The following MEAK7 variants were observed in gnomAD, a reference collection of about 807,000 sequenced individuals.
The protein encoded by MEAK7 is MTOR associated protein MEAK7.
In MEAK7, 68 loss-of-function variants were observed where a neutral mutation model predicts 40.5. The ratio of observed to expected loss-of-function variants is 1.68; its 90% CI spans 1.38 to 2.06. The LOEUF (loss-of-function observed/expected upper bound fraction) is 2.06, where lower values mean the gene tolerates loss of function less well. MEAK7 is among the 30% of genes most tolerant of loss of function. The pLI, the probability that MEAK7 is intolerant of heterozygous loss-of-function variation, is 0.00. For missense variants in MEAK7, 918 were observed against 580.5 expected (o/e 1.58, Z -5.98); for synonymous variants, 338 against 231.9 (o/e 1.46, Z -4.16).
At chr16:84,499,457 G>A (rs895796133) in intron 1 of MEAK7, among the ~76,000 whole-genome samples, 17 of 152,156 alleles carry the variant, frequency 1.1e-4, no homozygotes, top group Non-Finnish European at 1.5e-4. Flanking sequence ...GTCATGGTCC[G>A]CACCAAGCCA....
At chr16:84,486,292 C>A in intron 5 of MEAK7, 1 of 350,186 alleles carries the variant, frequency 2.9e-6, no homozygotes, top group Non-Finnish European at 4.4e-6. Flanking sequence ...CAGGAAGGCC[C>A]AGGGAAGGAA....
chr16:84,497,372 T>C, intron 2 of MEAK7: 1 of 1,232,936 alleles, frequency 8.1e-7, no homozygotes, highest in Non-Finnish European at 1.0e-6. Flanking sequence ...TAAAATGTGA[T>C]TATTTTGTTA....
Position 84,496,004 on chromosome 16 carries a change from A to G in MEAK7, c.154-91T>C, listed in dbSNP as rs1443712100. 5.8e-6 allele frequency: 8 copies of G among 1,391,160 alleles called. No homozygotes were observed. The Admixed American group carries it at 8.0e-5, about 14-fold the overall frequency. The allele number at this position is 1,391,160 out of a possible 1,614,324, so 86.2% of individuals were successfully genotyped here. A position where few individuals can be genotyped will look rare whatever the true frequency, so the allele number is the denominator to read the frequency against. ...ATTATTTTAGGCAGATAGAGAGGAA[A>G]AGGGGTCCTTGGGAAGTTTTCGTTT... On this transcript the variant is annotated intron_variant, in intron 2 of 7. Coordinates refer to ENST00000343629, the MANE Select transcript of MEAK7 (RefSeq NM_020947.4).
Position 84,480,465 on chromosome 16 carries a change from A to G in MEAK7, c.1257+64T>C, listed in dbSNP as rs899962514. The G allele has an allele frequency of 2.1e-5, 32 of 1,508,124 alleles. No individual in the cohort carries two copies. The African/African-American group carries it at 4.5e-4, about 21-fold the overall frequency. 93.4% of individuals were successfully genotyped at this position (1,508,124 alleles called of 1,614,324 possible). On this transcript the variant is annotated intron_variant, in intron 7 of 7. Coordinates refer to ENST00000343629, the MANE Select transcript of MEAK7 (RefSeq NM_020947.4). ...AGAAGAGTAAAGGGGTAATGGTAAGAAAATGCAGAAAGGCCCCCAGGCTCA... is the reference window on the plus strand; with the variant it reads ...AGAAGAGTAAAGGGGTAATGGTAAGGAAATGCAGAAAGGCCCCCAGGCTCA...
chr16:84,489,491 G>A (rs748615003), intron 3 of MEAK7, 69 bp from the exon 4 acceptor site: 39 of 1,499,122 alleles, frequency 2.6e-5, no homozygotes, highest in Non-Finnish European at 3.3e-5. Context: ...ATGCCCACAT[G>A]GAGAAGGGCA....
At chr16:84,493,039 G>A (rs1221401945) in intron 3 of MEAK7, among the ~76,000 whole-genome samples, 1 of 152,206 alleles carries the variant, frequency 6.6e-6, no homozygotes, top group East Asian at 1.9e-4. Flanking sequence ...CATACAGGAA[G>A]CACTGTCAAA....
At chr16:84,480,417 T>C in intron 7 of MEAK7, 112 bp downstream of exon 7, 2 of 1,286,004 alleles carry the variant, frequency 1.6e-6, no homozygotes, top group Non-Finnish European at 2.1e-6. Context: ...CAGGATCAAA[T>C]TTGGGATAAA....
chr16:84,486,539 G>T, intron 5 of MEAK7, 92 bp downstream of exon 5: 1 of 1,493,876 alleles, frequency 6.7e-7, no homozygotes, highest in Admixed American at 2.5e-5. Flanking sequence ...GAAGATGGGA[G>T]AGCCCTATTT....
Position 84,495,674 on chromosome 16 carries a change from C to G in MEAK7, c.384+9G>C. ...GAGGAGGCTGCAAAGGACCTCGCGG[C>G]CTCACTACCTTTTGGACTTCTCTGG... is the stretch of plus-strand genomic sequence containing the variant. On this transcript the variant is annotated intron_variant, in intron 3 of 7. Coordinates refer to ENST00000343629, the MANE Select transcript of MEAK7 (RefSeq NM_020947.4). 1 of 1,614,036 alleles carries G rather than the reference C, an allele frequency of 6.2e-7. No individual in the cohort carries two copies. The highest frequency in any genetic ancestry group is 8.5e-7 in the Non-Finnish European group (1 of 1,179,912).
chr16:84,486,735 T>C lies in MEAK7; in HGVS notation c.854A>G (p.His285Arg), dbSNP rs1289848978. The change falls in exon 5 of 8, where the codon CAC (histidine) becomes CGC (arginine). Residue 285 changes from histidine (H) to arginine (R), a missense_variant. By Grantham distance (29) the His-to-Arg change is conservative (BLOSUM62 0). Transcript: ENST00000343629. ...HGHSFSQLCG[H>R]ITHRGPCVAV... ...CACACAGGGTCCCCGGTGAGTGATG[T>C]GGCCACAGAGCTGGGAGAAGCTGTG... 1.2e-6 allele frequency: 2 copies of C among 1,613,874 alleles called. No homozygotes were observed. The highest frequency in any genetic ancestry group is 1.7e-6 in the Non-Finnish European group (2 of 1,179,896).
intron 3 of MEAK7, 70 bp downstream of exon 3, chr16:84,495,613 G>T: frequency 6.9e-7 from 1 of 1,449,396 alleles, no homozygotes; most frequent in Non-Finnish European, 9.6e-7. Context: ...CATGTAACTG[G>T]CCTCCATCCC....
chr16:84,497,854 A>C, intron 2 of MEAK7, 80 bp downstream of exon 2: 2 of 1,589,458 alleles, frequency 1.3e-6, no homozygotes, highest in Non-Finnish European at 1.7e-6. Context: ...CAAAAACACG[A>C]AAGCAGATTC....
At position 84,478,524 on chromosome 16, in the gene MEAK7, G is replaced by C. The variant is rs1375433628; in HGVS notation, c.*1389C>G. On this transcript the variant is annotated 3_prime_UTR_variant, in exon 8 of 8. Coordinates refer to ENST00000343629, the MANE Select transcript of MEAK7 (RefSeq NM_020947.4). ...TTCATCAGATCTGCAAAAGGTCAAA[G>C]CTTACAGCAAAAGACAAAAGGAAGA... 1.3e-5 allele frequency: 2 copies of C among 152,222 alleles called. No individual in the cohort carries two copies. Among genetic ancestry groups the C allele is most frequent in the Non-Finnish European group, 1.5e-5 (1 of 68,048 alleles). 9.4% of individuals were successfully genotyped at this position (152,222 alleles called of 1,614,324 possible).
rs552605338 is a variant in MEAK7 at position 84,481,409 on chromosome 16, C to T, written c.1078-701G>A. On this transcript the variant is annotated intron_variant, in intron 6 of 7. Coordinates refer to ENST00000343629, the MANE Select transcript of MEAK7 (RefSeq NM_020947.4). ...GGAGCCGCTCTCTCAGGGCCAATGA[C>T]GAGCGATGACCGGGGCCTGCCGGGT... 3.3e-5 allele frequency among the ~76,000 whole-genome samples: 5 copies of T among 152,330 alleles called. No homozygotes were observed. The East Asian group carries it at 7.7e-4, about 24-fold the overall frequency.
intron 6 of MEAK7, among the ~76,000 whole-genome samples, chr16:84,481,543 A>C (rs558119799): frequency 1.3e-5 from 2 of 152,286 alleles, no homozygotes; most frequent in South Asian, 4.1e-4. Context: ...TCTCCAGGGC[A>C]GCAGTGTGGT....
intron 2 of MEAK7, 119 bp from the exon 3 acceptor site, chr16:84,496,032 T>A: frequency 9.5e-7 from 1 of 1,051,172 alleles, no homozygotes; most frequent in Non-Finnish European, 1.4e-6. Context: ...TTTCGTTTTT[T>A]AAAGCATCTC....
rs556014977 is a variant in MEAK7, at chr16:84,503,290, C to T, written c.-26+1311G>A. ...GCCGCCTTAGGCCACATATGGCCCACGGGTTGGACGAGCTTGCCCTAGGTG... is the reference window on the plus strand; with the variant it reads ...GCCGCCTTAGGCCACATATGGCCCATGGGTTGGACGAGCTTGCCCTAGGTG... On this transcript the variant is annotated intron_variant, in intron 1 of 7. Coordinates refer to ENST00000343629, the MANE Select transcript of MEAK7 (RefSeq NM_020947.4). Among the ~76,000 whole-genome samples the T allele has an allele frequency of 2.1e-4, 32 of 152,312 alleles. 2 individuals are homozygous for T. The South Asian group carries it at 5.0e-3, about 24-fold the overall frequency.
At chr16:84,495,589 A>T in intron 3 of MEAK7, 94 bp downstream of exon 3, 5 of 1,209,448 alleles carry the variant, frequency 4.1e-6, no homozygotes, top group Admixed American at 2.0e-5. Flanking sequence ...TTTTTGGTTT[A>T]CTCCTCCATG....
intron 2 of MEAK7, chr16:84,497,133 G>A (rs1372442266): frequency 3.0e-5 from 7 of 232,952 alleles, no homozygotes; most frequent in Non-Finnish European, 5.2e-5. Flanking sequence ...CTCACTGGAT[G>A]TAACCCCCTG....
Sources: allele counts gnomAD v4.1 joint callset (sites outside exome capture counted in the v4.1 genomes callset), GRCh38; gene constraint gnomAD v4.1.1; transcripts MANE v1.5; gene names NCBI Gene and HGNC (gene_info 2026-07-23, HGNC 2026-07-21).